The following ATP10B variants were observed in gnomAD, a reference collection of about 807,000 sequenced individuals.
ATP10B encodes the protein ATPase phospholipid transporting 10B (putative), also known as phospholipid-transporting ATPase VB.
In ATP10B, 122 loss-of-function variants were observed where a neutral mutation model predicts 141.2. The ratio of observed to expected loss-of-function variants is 0.86; its 90% confidence interval spans 0.75 to 1.00. The LOEUF is 1.00. Among genes scored for constraint, ATP10B ranks in the 50% least tolerant of loss-of-function variants. The probability of loss-of-function intolerance (pLI) is 0.00; values close to 1 mark genes in which losing one functional copy is unlikely to be tolerated. For missense variants in ATP10B, 1,876 were observed against 1,825.3 expected, an observed-to-expected ratio of 1.03 and a Z score of -0.51; for synonymous variants, 685 against 692.0, an observed-to-expected ratio of 0.99 and a Z score of 0.16.
intron 9 of ATP10B, among the ~76,000 whole-genome samples, chr5:160,642,200 T>C: frequency 6.6e-6 from 1 of 152,212 alleles, no homozygotes; most frequent in East Asian, 1.9e-4. Context: ...AGTGATCCTC[T>C]TTGTACTTCA....
chr5:160,825,672 A>G (rs1375776704), intron 1 of ATP10B, among the ~76,000 whole-genome samples: 1 of 152,194 alleles, frequency 6.6e-6, no homozygotes, highest in Non-Finnish European at 1.5e-5. Flanking sequence ...AGTCAGTAGC[A>G]TCCTTTAAAA....
intron 1 of ATP10B, among the ~76,000 whole-genome samples, chr5:160,826,587 G>A (rs548761644): frequency 8.5e-5 from 13 of 152,228 alleles, no homozygotes; most frequent in Admixed American, 3.9e-4. Context: ...GATTTTTAGC[G>A]AGGGAAGACA....
At chr5:160,805,072 G>A (rs1382931471) in intron 1 of ATP10B, among the ~76,000 whole-genome samples, 1 of 152,112 alleles carries the variant, frequency 6.6e-6, no homozygotes, top group Non-Finnish European at 1.5e-5. Flanking sequence ...GCTATTCAAG[G>A]GTCAACTAAA....
the ATP10B span, among the ~76,000 whole-genome samples, chr5:160,924,772 T>A: frequency 6.6e-6 from 1 of 152,214 alleles, no homozygotes; most frequent in African/African-American, 2.4e-5. Context: ...AGATTTTATA[T>A]CAACAGATTT....
the ATP10B span, among the ~76,000 whole-genome samples, chr5:160,919,548 A>G: frequency 2.6e-5 from 4 of 152,322 alleles, no homozygotes; most frequent in East Asian, 5.8e-4. Flanking sequence ...CATAGCAGTG[A>G]GAAGCTCTTA....
chr5:160,813,304 T>C (rs1581581333), intron 1 of ATP10B, among the ~76,000 whole-genome samples: 4 of 152,320 alleles, frequency 2.6e-5, no homozygotes, highest in East Asian at 1.9e-4. Flanking sequence ...GCTTTTCCAA[T>C]GGTCTTAGCA....
intron 24 of ATP10B, 103 bp from the exon 25 acceptor site, chr5:160,569,786 G>A: frequency 1.1e-6 from 1 of 949,944 alleles, no homozygotes; most frequent in Non-Finnish European, 1.5e-6. Flanking sequence ...TTTTTGAAAT[G>A]CAAAACACAC....
intron 3 of ATP10B, among the ~76,000 whole-genome samples, chr5:160,704,944 A>G (rs761549305): frequency 3.0e-4 from 14 of 46,946 alleles, no homozygotes; most frequent in African/African-American, 7.0e-4. Flanking sequence ...TTGTTGAGAC[A>G]GTCTTGCTCT....
At chr5:160,806,557 A>G (rs1772784198) in intron 1 of ATP10B, among the ~76,000 whole-genome samples, 1 of 152,194 alleles carries the variant, frequency 6.6e-6, no homozygotes, top group Non-Finnish European at 1.5e-5. Flanking sequence ...TTTGGCGAAG[A>G]GGTCTTGGGA....
At chr5:160,912,177 T>A in the ATP10B span, among the ~76,000 whole-genome samples, 1 of 151,764 alleles carries the variant, frequency 6.6e-6, no homozygotes, top group East Asian at 1.9e-4. Context: ...CATGAGTAGA[T>A]CTAAATAAAG....
intron 20 of ATP10B, 192 bp downstream of exon 20, chr5:160,603,773 A>T: frequency 1.9e-6 from 1 of 535,538 alleles, no homozygotes; most frequent in African/African-American, 1.9e-5. Flanking sequence ...TCCAAGCTGA[A>T]TTTTGACACT....
At chr5:160,855,526 C>T (rs1753973372), upstream of ATP10B, among the ~76,000 whole-genome samples, 2 of 149,974 alleles carry the variant, frequency 1.3e-5, no homozygotes, top group Admixed American at 6.6e-5. Context: ...ATACCTTTGT[C>T]GGATATGTGG....
At chr5:160,925,820 C>T in the ATP10B span, among the ~76,000 whole-genome samples, 2 of 152,146 alleles carry the variant, frequency 1.3e-5, no homozygotes, top group African/African-American at 4.8e-5. Flanking sequence ...AAATAGGAGT[C>T]CTTTTGGAAC....
chr5:160,855,102 GAAGTTT>G (rs941327608), upstream of ATP10B, among the ~76,000 whole-genome samples: 1 of 152,092 alleles, frequency 6.6e-6, no homozygotes, highest in African/African-American at 2.4e-5. Flanking sequence ...TGCACAGACA[GAAGTTT>G]AATTCCTGGA....
chr5:160,855,217 C>G (rs1409220808), upstream of ATP10B, among the ~76,000 whole-genome samples: 1 of 152,094 alleles, frequency 6.6e-6, no homozygotes, highest in East Asian at 1.9e-4. Flanking sequence ...GATATTCTTC[C>G]AGAGTGACTA....
intron 22 of ATP10B, among the ~76,000 whole-genome samples, chr5:160,592,500 G>A (rs1250589992): frequency 6.6e-6 from 1 of 152,232 alleles, no homozygotes; most frequent in Admixed American, 6.5e-5. Flanking sequence ...GAAGACGGGT[G>A]ATTTCTGCAT....
At chr5:160,824,708 A>G (rs956844241) in intron 1 of ATP10B, among the ~76,000 whole-genome samples, 2 of 152,258 alleles carry the variant, frequency 1.3e-5, no homozygotes, top group African/African-American at 4.8e-5. Flanking sequence ...ATATCTAAAC[A>G]TAAAACAGGA....
the ATP10B span, among the ~76,000 whole-genome samples, chr5:160,897,962 T>C: frequency 6.6e-6 from 1 of 152,188 alleles, no homozygotes; most frequent in African/African-American, 2.4e-5. Context: ...ATTTAATAAA[T>C]GGTGTTGGGC....
rs367874825 is a variant in ATP10B, at chr5:160,800,281, T to C, written c.-575-14478A>G. Among the ~76,000 whole-genome samples, 25 of 152,348 alleles carry C rather than the reference T, an allele frequency of 1.6e-4. No individual in the cohort carries two copies. The East Asian group carries it at 4.4e-3, about 27-fold the overall frequency. ...GTTGCTTAATCTCTCTAAGCCTCAG[T>C]TTCCTCATCTATAAAATGGAAATAA... On this transcript the variant is annotated intron_variant, in intron 1 of 25. Coordinates refer to ENST00000327245, the MANE Select transcript of ATP10B (RefSeq NM_025153.3).
Sources: gnomAD v4.1 joint callset for allele counts (sites outside exome capture counted in the v4.1 genomes callset) on GRCh38, gnomAD v4.1.1 for gene constraint, MANE v1.5 for transcripts, NCBI Gene and HGNC (gene_info 2026-07-23, HGNC 2026-07-21) for gene names.